The following HSP90AA1 variants were observed in gnomAD, a reference collection of about 807,000 sequenced individuals.
HSP90AA1 encodes the protein heat shock protein 90 alpha family class A member 1.
In HSP90AA1, 18 loss-of-function variants were observed where a neutral mutation model predicts 73.3. The ratio of observed to expected loss-of-function variants is 0.25; its 90% confidence interval spans 0.17 to 0.36. The LOEUF (loss-of-function observed/expected upper bound fraction) is 0.36. HSP90AA1 is among the 10% of genes least tolerant of loss of function. The pLI is 1.00. For synonymous variants in HSP90AA1, 477 were observed against 296.9 expected (o/e 1.61, Z -6.24); for missense variants, 704 against 874.2 (o/e 0.81, Z 2.45).
At chr14:102,087,233 C>T (rs1446939889), upstream of HSP90AA1, 11 of 894,186 alleles carry the variant, frequency 1.2e-5, no homozygotes, top group Middle Eastern at 5.6e-4. Context: ...AGGCCCTGCT[C>T]GTGGCCCGGC....
chr14:102,115,096 G>C (rs902979640), intron 1 of HSP90AA1, among the ~76,000 whole-genome samples: 1 of 150,946 alleles, frequency 6.6e-6, no homozygotes, highest in African/African-American at 2.4e-5. Context: ...GCAGTGAGCC[G>C]AGATGGCGCC....
At chr14:102,136,859 G>A (rs181605163) in intron 1 of HSP90AA1, among the ~76,000 whole-genome samples, 34 of 149,310 alleles carry the variant, frequency 2.3e-4, no homozygotes, top group Admixed American at 6.8e-4. Context: ...TTGCACTCAA[G>A]CCTGGGGGAC....
intron 1 of HSP90AA1, among the ~76,000 whole-genome samples, chr14:102,104,639 C>G (rs1473838415): frequency 1.2e-4 from 19 of 152,094 alleles, no homozygotes; most frequent in Admixed American, 1.2e-3. Context: ...TATTTTGAGA[C>G]ATATAAATTA....
rs772098272 is a variant in HSP90AA1, at chr14:102,085,748, A to C, written c.529+10T>G. 6.2e-7 allele frequency: 1 copy of C among 1,613,850 alleles called. No individual in the cohort carries two copies. Among genetic ancestry groups the C allele is most frequent in the African/African-American group, 1.3e-5 (1 of 74,914 alleles). ...CCGCTCACTTAACCAGTGAATGTTC[A>C]GGTGCCTACCTGTGTCTGTCCTCAC... is the stretch of plus-strand genomic sequence containing the variant. On this transcript the variant is annotated intron_variant, in intron 3 of 10. Transcript: ENST00000216281.
rs761175468 is a variant in HSP90AA1, at chr14:102,084,632, G to A, written c.981+49C>T. 4.7e-5 allele frequency: 76 copies of A among 1,614,130 alleles called. 1 individual carries two copies. The East Asian group carries it at 1.6e-3, about 33-fold the overall frequency. ...TATAGAAGATATTTGGGGTGGTGGA[G>A]AAAGATGATAATCTAAGGACAAGCT... On this transcript the variant is annotated intron_variant, in intron 5 of 10. Transcript: ENST00000216281.
chr14:102,086,574 T>G (rs1184509028), intron 1 of HSP90AA1, among the ~76,000 whole-genome samples, 196 bp from the exon 2 acceptor site: 2 of 152,094 alleles, frequency 1.3e-5, no homozygotes, highest in East Asian at 3.9e-4. Flanking sequence ...TGTGCGCGCT[T>G]CCGGGAGGCC....
rs2049200782 is a variant in HSP90AA1 at position 102,085,344 on chromosome 14, A to G, written c.617T>C (p.Ile206Thr). 1 of 1,611,244 alleles carries G rather than the reference A, an allele frequency of 6.2e-7. No homozygotes were observed. The highest frequency in any genetic ancestry group is 1.3e-5 in the African/African-American group (1 of 74,958). The change falls in exon 4 of 11, where the codon ATT (isoleucine) becomes ACT (threonine). Residue 206 changes from isoleucine to threonine, a missense_variant. Ile to Thr is a moderately conservative substitution (Grantham distance 89). Coordinates refer to ENST00000216281, the MANE Select transcript of HSP90AA1 (RefSeq NM_005348.4). ...AATAAACTGAGAATGTTTCTTCACA[A>G]TCTCCTTTATTCTTCGTTCCTCCAA... ...EYLEERRIKE[I>T]VKKHSQFIGY...
intron 1 of HSP90AA1, among the ~76,000 whole-genome samples, chr14:102,110,620 C>T (rs1170061037): frequency 6.6e-6 from 1 of 150,496 alleles, no homozygotes; most frequent in East Asian, 2.0e-4. Context: ...TGCTCTGTGG[C>T]CCAGGCTGGG....
chr14:102,139,155 G>A lies in HSP90AA1; in HGVS notation c.155+95C>T, dbSNP rs1379330866. ...ATCACACGCAGGAATTAGGATATCT[G>A]GCTTGAGAACACCTATGCTGTACCA... On this transcript the variant is annotated intron_variant, in intron 1 of 11. Coordinates refer to the HSP90AA1 transcript ENST00000334701. 2.1e-6 allele frequency: 3 copies of A among 1,437,532 alleles called. No individual in the cohort carries two copies. The African/African-American group carries it at 4.2e-5, about 20-fold the overall frequency. The allele number at this position is 1,437,532 out of a possible 1,614,324, so 89.0% of individuals were successfully genotyped here. A position where few individuals can be genotyped will look rare whatever the true frequency, so the allele number is the denominator to read the frequency against.
chr14:102,132,350 A>G (rs2049917855), intron 1 of HSP90AA1, among the ~76,000 whole-genome samples: 1 of 152,032 alleles, frequency 6.6e-6, no homozygotes, highest in Non-Finnish European at 1.5e-5. Flanking sequence ...CTGGCAAAAG[A>G]GCAAGACTCA....
intron 9 of HSP90AA1, 66 bp from the exon 10 acceptor site, chr14:102,082,510 A>C: frequency 7.6e-7 from 1 of 1,313,936 alleles, no homozygotes; most frequent in South Asian, 1.2e-5. Flanking sequence ...TTGTGAAATG[A>C]AATCTGTAGA....
intron 2 of HSP90AA1, among the ~76,000 whole-genome samples, chr14:102,101,606 G>A (rs2049493968): frequency 6.6e-6 from 1 of 152,192 alleles, no homozygotes; most frequent in Non-Finnish European, 1.5e-5. Context: ...TTCTCCCACA[G>A]CACTTTGTCA....
rs370405227 is a variant in HSP90AA1 at position 102,084,354 on chromosome 14, C to G, written c.1147+45G>C. 5.8e-5 allele frequency: 91 copies of G among 1,574,212 alleles called. No homozygotes were observed. The Middle Eastern group carries it at 1.2e-3, about 20-fold the overall frequency. ...AGCCACCATGCCCACCCAGAAAGTA[C>G]TTCTTTAATCAGTGACAGTGATTAT... On this transcript the variant is annotated intron_variant, in intron 6 of 10. Coordinates refer to ENST00000216281, the MANE Select transcript of HSP90AA1 (RefSeq NM_005348.4).
rs2049096121 is a variant in HSP90AA1, at chr14:102,081,441, T to G, written c.*271A>C. On this transcript the variant is annotated 3_prime_UTR_variant, in exon 11 of 11. Transcript: ENST00000216281. ...AGCTAAACACTTTAGACCACAAAGT[T>G]AACATCATGTTACATACGTCTTACA... The G allele has an allele frequency of 5.7e-6, 3 of 524,740 alleles. No homozygotes were observed. The highest frequency in any genetic ancestry group is 1.9e-5 in the African/African-American group (1 of 52,650). 32.5% of individuals were successfully genotyped at this position (524,740 alleles called of 1,614,324 possible).
At chr14:102,105,162 G>A (rs1209552341) in intron 1 of HSP90AA1, among the ~76,000 whole-genome samples, 1 of 144,220 alleles carries the variant, frequency 6.9e-6, no homozygotes, top group African/African-American at 2.6e-5. Flanking sequence ...GAGTGAGAAC[G>A]TGCCACTGCA....
At chr14:102,132,884 C>T (rs371680412) in intron 1 of HSP90AA1, among the ~76,000 whole-genome samples, 8 of 151,888 alleles carry the variant, frequency 5.3e-5, no homozygotes, top group East Asian at 1.9e-4. Flanking sequence ...TGGTTGAACC[C>T]GGGAGGTGGA....
chr14:102,084,756 G>A lies in HSP90AA1; in HGVS notation c.906C>T (p.Asp302=), dbSNP rs758115810. 2.2e-5 allele frequency: 35 copies of A among 1,613,938 alleles called. No homozygotes were observed. Among genetic ancestry groups the A allele is most frequent in the African/African-American group, 4.0e-5 (3 of 74,870 alleles). The change falls in exon 5 of 11, where the codon GAC becomes GAT. Residue 302 remains aspartate (D), a synonymous_variant. Coordinates refer to ENST00000216281, the MANE Select transcript of HSP90AA1 (RefSeq NM_005348.4). ...KTKPIWTRNP[D]DITNEEYGEF... ...CTCCGTACTCCTCATTAGTAATATCGTCGGGATTTCTGGTCCAGATGGGCT... is the reference window on the plus strand; with the variant it reads ...CTCCGTACTCCTCATTAGTAATATCATCGGGATTTCTGGTCCAGATGGGCT...
intron 1 of HSP90AA1, among the ~76,000 whole-genome samples, chr14:102,126,161 T>C (rs2049836500): frequency 6.6e-6 from 1 of 152,110 alleles, no homozygotes; most frequent in African/African-American, 2.4e-5. Flanking sequence ...GGAGTGATTT[T>C]TGGAGTGAAG....
At chr14:102,127,949 T>C (rs891343051) in intron 1 of HSP90AA1, among the ~76,000 whole-genome samples, 4 of 152,094 alleles carry the variant, frequency 2.6e-5, no homozygotes, top group Non-Finnish European at 2.9e-5. Flanking sequence ...ACCAGCCATG[T>C]TTTGTTTTTA....
Sources: allele counts gnomAD v4.1 joint callset (sites outside exome capture counted in the v4.1 genomes callset), GRCh38; gene constraint gnomAD v4.1.1; transcripts MANE v1.5; gene names NCBI Gene and HGNC (gene_info 2026-07-23, HGNC 2026-07-21).